Variants in SLC39A8 observed in about 807,000 individuals in gnomAD.
The protein encoded by SLC39A8 is solute carrier family 39 member 8.
Under a neutral mutation model 40.4 loss-of-function variants are expected in SLC39A8, and 15 were observed. The observed-to-expected ratio is 0.37, with a 90% CI of 0.25 to 0.57. The LOEUF (loss-of-function observed/expected upper bound fraction) is 0.57, where lower values mean the gene tolerates loss of function less well. SLC39A8 is among the 20% of genes least tolerant of loss of function. SLC39A8 has a pLI of 0.75. For missense variants in SLC39A8, 472 were observed against 558.8 expected (o/e 0.84, Z 1.57); for synonymous variants, 223 against 221.6 (o/e 1.01, Z -0.06).
intron 6 of SLC39A8, among the ~76,000 whole-genome samples, chr4:102,282,297 C>A (rs1041726088): frequency 6.6e-6 from 1 of 152,324 alleles, no homozygotes; most frequent in Admixed American, 6.5e-5. Context: ...AAAAGTACAT[C>A]TTCTCTCATG....
intron 5 of SLC39A8, 142 bp from the exon 6 acceptor site, chr4:102,304,623 T>C (rs939171451): frequency 7.5e-6 from 5 of 666,884 alleles, no homozygotes; most frequent in Admixed American, 3.5e-5. Flanking sequence ...TTTAGATATA[T>C]AAAATTTCTC....
At chr4:102,328,643 G>C (rs899039281) in intron 2 of SLC39A8, among the ~76,000 whole-genome samples, 1 of 152,168 alleles carries the variant, frequency 6.6e-6, no homozygotes, top group Non-Finnish European at 1.5e-5. Flanking sequence ...CATTATGCTA[G>C]TTATGGGCAT....
chr4:102,325,488 A>C (rs1313864535), intron 2 of SLC39A8, among the ~76,000 whole-genome samples: 5 of 152,222 alleles, frequency 3.3e-5, no homozygotes, highest in Non-Finnish European at 5.9e-5. Context: ...TGAAGGGAAG[A>C]TGAAGAACGC....
intron 6 of SLC39A8, among the ~76,000 whole-genome samples, chr4:102,275,557 C>T (rs554388472): frequency 6.6e-6 from 1 of 152,222 alleles, no homozygotes; most frequent in South Asian, 2.1e-4. Flanking sequence ...ACCCCACTTT[C>T]AATATTAGAG....
intron 6 of SLC39A8, among the ~76,000 whole-genome samples, chr4:102,296,360 A>G (rs1733675882): frequency 6.6e-6 from 1 of 152,128 alleles, no homozygotes; most frequent in Non-Finnish European, 1.5e-5. Flanking sequence ...TACATAATTA[A>G]GCATATGGAT....
intron 6 of SLC39A8, among the ~76,000 whole-genome samples, chr4:102,286,071 A>G (rs1288878922): frequency 6.6e-6 from 1 of 152,158 alleles, no homozygotes; most frequent in Non-Finnish European, 1.5e-5. Flanking sequence ...TATTTTAGTC[A>G]TCCAACAATT....
chr4:102,339,195 G>A (rs1284156993), intron 2 of SLC39A8, among the ~76,000 whole-genome samples: 2 of 151,918 alleles, frequency 1.3e-5, no homozygotes, highest in Admixed American at 1.3e-4. Flanking sequence ...CCATTGTCTT[G>A]GAGGATTCTT....
intron 6 of SLC39A8, among the ~76,000 whole-genome samples, chr4:102,289,432 G>C (rs1189357648): frequency 1.3e-5 from 2 of 152,052 alleles, no homozygotes; most frequent in African/African-American, 4.8e-5. Flanking sequence ...AAGTCCATGG[G>C]TCAAGGAGTA....
chr4:102,306,963 A>G (rs1483712291), intron 4 of SLC39A8, among the ~76,000 whole-genome samples: 1 of 152,100 alleles, frequency 6.6e-6, no homozygotes, highest in African/African-American at 2.4e-5. Context: ...AGGTTTGTCA[A>G]CCATGCTCTC....
chr4:102,327,936 T>C (rs749031324), intron 2 of SLC39A8, among the ~76,000 whole-genome samples: 17 of 152,196 alleles, frequency 1.1e-4, no homozygotes, highest in Non-Finnish European at 2.2e-4. Flanking sequence ...CTAGAATCAG[T>C]TTAATGTGGC....
At chr4:102,299,375 G>A (rs894751802) in intron 6 of SLC39A8, among the ~76,000 whole-genome samples, 2 of 151,746 alleles carry the variant, frequency 1.3e-5, no homozygotes, top group Non-Finnish European at 2.9e-5. Context: ...TGGAAGGGTG[G>A]AAAGTTTGGA....
intron 2 of SLC39A8, among the ~76,000 whole-genome samples, chr4:102,327,054 G>A (rs1378219147): frequency 6.6e-6 from 1 of 152,196 alleles, no homozygotes; most frequent in Non-Finnish European, 1.5e-5. Flanking sequence ...CACCAAGGCA[G>A]GAGGATCACT....
At chr4:102,296,748 A>G (rs2149028119) in intron 6 of SLC39A8, among the ~76,000 whole-genome samples, 1 of 152,278 alleles carries the variant, frequency 6.6e-6, no homozygotes, top group East Asian at 1.9e-4. Context: ...AAGAAGCACC[A>G]GGAAAGTATT....
intron 6 of SLC39A8, among the ~76,000 whole-genome samples, chr4:102,295,915 A>C (rs1197759967): frequency 1.3e-5 from 2 of 152,092 alleles, no homozygotes; most frequent in Non-Finnish European, 2.9e-5. Context: ...AGTAGTTCTT[A>C]ATGTAGTGTT....
At chr4:102,319,647 C>A (rs1410812161) in intron 2 of SLC39A8, among the ~76,000 whole-genome samples, 1 of 152,066 alleles carries the variant, frequency 6.6e-6, no homozygotes, top group African/African-American at 2.4e-5. Flanking sequence ...CCCTGCTCCT[C>A]CTTGGCTGTA....
intron 2 of SLC39A8, among the ~76,000 whole-genome samples, chr4:102,331,312 C>G (rs1735450782): frequency 6.6e-6 from 1 of 152,186 alleles, no homozygotes. Context: ...GGCTGATAAG[C>G]AACTCAGCAG....
intron 6 of SLC39A8, among the ~76,000 whole-genome samples, chr4:102,297,686 G>A (rs1733739397): frequency 6.6e-6 from 1 of 152,026 alleles, no homozygotes; most frequent in Admixed American, 6.6e-5. Flanking sequence ...GGAGGCTAAG[G>A]CAGTAAGATC....
At chr4:102,289,973 A>T in intron 6 of SLC39A8, among the ~76,000 whole-genome samples, 1 of 152,192 alleles carries the variant, frequency 6.6e-6, no homozygotes, top group East Asian at 1.9e-4. Context: ...TGTGGAAAGA[A>T]GTTCTACTGT....
downstream of SLC39A8, among the ~76,000 whole-genome samples, chr4:102,257,819 C>T (rs983743806): frequency 6.6e-6 from 1 of 152,238 alleles, no homozygotes; most frequent in African/African-American, 2.4e-5. Flanking sequence ...TAAATACATG[C>T]TCTGTCATAA....
Sources: allele counts gnomAD v4.1 joint callset (sites outside exome capture counted in the v4.1 genomes callset), GRCh38; gene constraint gnomAD v4.1.1; transcripts MANE v1.5; gene names NCBI Gene and HGNC (gene_info 2026-07-23, HGNC 2026-07-21).